Variants in PAX2 observed in about 807,000 individuals in gnomAD.
PAX2 encodes the protein paired box protein Pax-2.
In PAX2, 9 loss-of-function variants were observed where a neutral mutation model predicts 41.7. The ratio of observed to expected loss-of-function variants is 0.22; its 90% CI spans 0.13 to 0.38. PAX2 has a LOEUF of 0.38. Ranked by LOEUF, PAX2 falls within the 10% of genes least tolerant of loss-of-function variation. The pLI, the probability that PAX2 is intolerant of heterozygous loss-of-function variation, is 1.00. For missense variants in PAX2, 418 were observed against 531.6 expected, an observed-to-expected ratio of 0.79 and a Z score of 2.10; for synonymous variants, 221 against 212.7, an observed-to-expected ratio of 1.04 and a Z score of -0.34.
In PAX2 at chr10:100,827,516, C is replaced by A. The variant is rs772877244; in HGVS notation, c.1109-27C>A. On this transcript the variant is annotated intron_variant, in intron 9 of 9. Coordinates refer to ENST00000355243, the MANE Select transcript of PAX2 (RefSeq NM_000278.5). The surrounding 1 kb of genome is among the most constrained non-coding windows in gnomAD (Gnocchi z 8.5). ...TCTCCTGTTTGTCCTCTCACCCAGC[C>A]CATTCTTCTCCTGTGTTAACTTCCA... 6.2e-7 allele frequency: 1 copy of A among 1,609,964 alleles called. No individual in the cohort carries two copies. Among genetic ancestry groups the A allele is most frequent in the Non-Finnish European group, 8.5e-7 (1 of 1,176,256 alleles).
intron 1 of PAX2, chr10:100,735,830 C>A: frequency 1.2e-6 from 1 of 828,884 alleles, no homozygotes; most frequent in Non-Finnish European, 1.5e-6. Context: ...CTCTTTCATC[C>A]CTGTGCTCAG....
intron 3 of PAX2, among the ~76,000 whole-genome samples, chr10:100,763,298 T>C (rs950744742): frequency 1.3e-5 from 2 of 152,240 alleles, no homozygotes; most frequent in Admixed American, 6.5e-5. Context: ...GTCGATATGA[T>C]GCCAAAGATC....
chr10:100,798,557 C>A (rs1272193425), intron 5 of PAX2, among the ~76,000 whole-genome samples: 1 of 152,108 alleles, frequency 6.6e-6, no homozygotes, highest in African/African-American at 2.4e-5. Context: ...CCTTTCCCAG[C>A]CCGGCCCTCT....
chr10:100,736,785 G>A (rs1285939433), intron 1 of PAX2, among the ~76,000 whole-genome samples: 1 of 152,156 alleles, frequency 6.6e-6, no homozygotes, highest in Non-Finnish European at 1.5e-5. Context: ...AGGGCTCTGG[G>A]CAGACCCTCT....
At chr10:100,804,105 G>A (rs529195127) in intron 5 of PAX2, among the ~76,000 whole-genome samples, 1 of 152,238 alleles carries the variant, frequency 6.6e-6, no homozygotes, top group South Asian at 2.1e-4. Context: ...ATCAATAGGG[G>A]CAGCAGATAT....
chr10:100,739,090 C>G (rs911100154), intron 1 of PAX2, among the ~76,000 whole-genome samples: 1 of 151,868 alleles, frequency 6.6e-6, no homozygotes, highest in Non-Finnish European at 1.5e-5. Flanking sequence ...GCAGCCCTAG[C>G]CCCGACCCGA....
At position 100,748,639 on chromosome 10, in the gene PAX2, G is replaced by A; in HGVS notation, c.44-1107G>A. 1.0e-6 allele frequency: 1 copy of A among 985,450 alleles called. No individual in the cohort carries two copies. Among genetic ancestry groups the A allele is most frequent in the Non-Finnish European group, 1.2e-6 (1 of 829,924 alleles). The allele number at this position is 985,450 out of a possible 1,614,324, so 61.0% of individuals were successfully genotyped here. ...GATTTCTAGACTGCTGTAGGCCAGG[G>A]AGAATGGGGCACAGGAAGCACCCTC... On this transcript the variant is annotated intron_variant, in intron 1 of 9. Coordinates refer to ENST00000355243, the MANE Select transcript of PAX2 (RefSeq NM_000278.5). This position sits in a 1 kb window ranked among gnomAD's most constrained non-coding sequence, Gnocchi z 5.0.
Position 100,745,705 on chromosome 10 carries a change from C to CG in PAX2, c.-551dup. The CG allele has an allele frequency of 9.9e-7, 1 of 1,008,474 alleles. No individual in the cohort carries two copies. The highest frequency in any genetic ancestry group is 1.2e-6 in the Non-Finnish European group (1 of 838,650). The allele number at this position is 1,008,474 out of a possible 1,614,324, so 62.5% of individuals were successfully genotyped here. On this transcript the variant is annotated 5_prime_UTR_variant, in exon 1 of 10. Transcript: ENST00000355243. The stretch of plus-strand genomic sequence containing the variant: ...CGCGGCGGCGTGCGCCTGCCTTTTC[C>CG]GGGGGCGGGGGCCTGGCCCGCGCGC...
At chr10:100,744,313 G>C (rs563185009), upstream of PAX2, among the ~76,000 whole-genome samples, 146 of 152,370 alleles carry the variant, frequency 9.6e-4, no homozygotes, top group Middle Eastern at 6.8e-3. Flanking sequence ...CAGGGAAGCG[G>C]GGGGAGGGAG....
In PAX2 at chr10:100,750,641, C is replaced by G. The variant is rs1287116733; in HGVS notation, c.213-53C>G. On this transcript the variant is annotated intron_variant, in intron 2 of 9. Transcript: ENST00000355243. The surrounding 1 kb of genome is among the most constrained non-coding windows in gnomAD (Gnocchi z 4.1). ...CAGCAGCTCTGGAACCTGCAGCCCC[C>G]CTGCCCCGCCACAGTCCGCTTCTGG... is the stretch of plus-strand genomic sequence containing the variant. 10 of 1,516,340 alleles carry G rather than the reference C, an allele frequency of 6.6e-6. No individual in the cohort carries two copies. The highest frequency in any genetic ancestry group is 4.1e-5 in the African/African-American group (3 of 73,074). The allele number at this position is 1,516,340 out of a possible 1,614,324, so 93.9% of individuals were successfully genotyped here.
intron 5 of PAX2, among the ~76,000 whole-genome samples, chr10:100,782,687 C>T (rs1001985985): frequency 6.6e-6 from 1 of 152,284 alleles, no homozygotes; most frequent in African/African-American, 2.4e-5. Context: ...CTCTATTTCT[C>T]CTTCTTCCAA....
chr10:100,749,874 C>G lies in PAX2; in HGVS notation c.172C>G (p.Leu58Val). ...GCGGCCCTGTGACATCTCCCGGCAG[C>G]TGCGGGTCAGCCACGGCTGTGTCAG... The part of the protein sequence containing the change: ...GVRPCDISRQ[L>V]RVSHGCVSKI... The change falls in exon 2 of 10, where the codon CTG (leucine) becomes GTG (valine). Residue 58 changes from leucine (L) to valine (V), a missense_variant. By Grantham distance (32) the Leu-to-Val change is conservative. Transcript: ENST00000355243. 6.2e-7 allele frequency: 1 copy of G among 1,612,452 alleles called. No homozygotes were observed. Among genetic ancestry groups the G allele is most frequent in the Non-Finnish European group, 8.5e-7 (1 of 1,179,668 alleles).
At chr10:100,811,725 G>A (rs1332098523) in intron 7 of PAX2, among the ~76,000 whole-genome samples, 1 of 152,214 alleles carries the variant, frequency 6.6e-6, no homozygotes, top group African/African-American at 2.4e-5. Context: ...AGGTGGGTAG[G>A]TGATTCTGGG....
At chr10:100,821,555 T>C (rs1848381262) in intron 7 of PAX2, among the ~76,000 whole-genome samples, 1 of 152,240 alleles carries the variant, frequency 6.6e-6, no homozygotes, top group Admixed American at 6.5e-5. Flanking sequence ...ACTTTCAGCA[T>C]GCAAAAGTTC....
intron 5 of PAX2, among the ~76,000 whole-genome samples, chr10:100,792,637 C>T (rs933606424): frequency 4.6e-5 from 7 of 152,192 alleles, no homozygotes; most frequent in Non-Finnish European, 1.0e-4. Context: ...CTGTGGAGGA[C>T]GCCTTGGGAA....
At chr10:100,744,601 C>G (rs1460255844), upstream of PAX2, among the ~76,000 whole-genome samples, 2 of 152,326 alleles carry the variant, frequency 1.3e-5, no homozygotes, top group East Asian at 3.9e-4. Flanking sequence ...GGCGCTCAGC[C>G]GCGTCCGCAG....
At chr10:100,803,669 G>T (rs985727227) in intron 5 of PAX2, among the ~76,000 whole-genome samples, 20 of 151,884 alleles carry the variant, frequency 1.3e-4, no homozygotes, top group African/African-American at 4.8e-4. Flanking sequence ...AGCCTCTCTG[G>T]GGGGTGGGGG....
At chr10:100,746,438 T>C in intron 1 of PAX2, 135 bp downstream of exon 1, 1 of 757,214 alleles carries the variant, frequency 1.3e-6, no homozygotes, top group Non-Finnish European at 2.4e-6. Context: ...CCTCTTTTCG[T>C]TCTTTCTCTC....
At chr10:100,755,416 A>G (rs1351337367) in intron 3 of PAX2, among the ~76,000 whole-genome samples, 1 of 152,258 alleles carries the variant, frequency 6.6e-6, no homozygotes, top group East Asian at 1.9e-4. Flanking sequence ...TGCATTTCAG[A>G]AGGTGACGCA....
Sources: allele counts gnomAD v4.1 joint callset (sites outside exome capture counted in the v4.1 genomes callset), GRCh38; gene constraint gnomAD v4.1.1; non-coding constraint Gnocchi (gnomAD v3.1); transcripts MANE v1.5; gene names NCBI Gene and HGNC (gene_info 2026-07-23, HGNC 2026-07-21).